The following CSMD3 variants were observed in gnomAD, a reference collection of about 807,000 sequenced individuals.
CSMD3 encodes CUB and Sushi multiple domains 3, also known as CUB and sushi domain-containing protein 3.
In CSMD3, 177 loss-of-function variants were observed where a neutral mutation model predicts 435.2. The observed-to-expected ratio is 0.41, with a 90% CI of 0.36 to 0.46. The LOEUF is 0.46. Ranked by LOEUF, CSMD3 falls within the 20% of genes least tolerant of loss-of-function variation. CSMD3 has a pLI of 0.34. For missense variants in CSMD3, 4,265 were observed against 4,504.6 expected, an observed-to-expected ratio of 0.95 and a Z score of 1.52; for synonymous variants, 1,656 against 1,520.5, an observed-to-expected ratio of 1.09 and a Z score of -2.07.
chr8:113,129,833 C>T (rs1451832964), intron 4 of CSMD3, among the ~76,000 whole-genome samples: 2 of 151,932 alleles, frequency 1.3e-5, no homozygotes, highest in Admixed American at 6.6e-5. Flanking sequence ...CATAATGAAA[C>T]CTGGAATCTG....
intron 1 of CSMD3, among the ~76,000 whole-genome samples, chr8:113,383,443 T>G (rs2094425940): frequency 6.6e-6 from 1 of 152,006 alleles, no homozygotes; most frequent in Non-Finnish European, 1.5e-5. Flanking sequence ...GAAGTGGAAA[T>G]GGAGAGATGC....
intron 13 of CSMD3, among the ~76,000 whole-genome samples, chr8:112,697,488 A>G (rs1001549410): frequency 6.6e-6 from 1 of 152,020 alleles, no homozygotes; most frequent in Non-Finnish European, 1.5e-5. Flanking sequence ...TATCACAAGG[A>G]CAAAAAACCA....
chr8:112,903,549 G>T (rs1350843795), intron 10 of CSMD3, among the ~76,000 whole-genome samples: 1 of 151,212 alleles, frequency 6.6e-6, no homozygotes, highest in Non-Finnish European at 1.5e-5. Context: ...GGAGTATGGG[G>T]AAGGGAGAAA....
intron 1 of CSMD3, among the ~76,000 whole-genome samples, chr8:113,405,912 GAGAGGATTATTT>G (rs1196172460): frequency 6.6e-6 from 1 of 151,742 alleles, no homozygotes; most frequent in Non-Finnish European, 1.5e-5. Context: ...CAGCAGTAAT[GAGAGGATTATTT>G]AGAGGATATC....
chr8:113,063,994 C>A (rs572429079), intron 5 of CSMD3, among the ~76,000 whole-genome samples: 52 of 151,286 alleles, frequency 3.4e-4, no homozygotes, highest in African/African-American at 1.2e-3. Context: ...TTTAGGAAAA[C>A]CTTTTAGTAT....
At chr8:113,274,152 T>C (rs1401909530) in intron 3 of CSMD3, among the ~76,000 whole-genome samples, 2 of 152,052 alleles carry the variant, frequency 1.3e-5, no homozygotes, top group Admixed American at 6.6e-5. Flanking sequence ...ATTTTAAATG[T>C]ATAGAATGAT....
At chr8:113,076,663 A>G (rs1375425982) in intron 5 of CSMD3, among the ~76,000 whole-genome samples, 2 of 152,124 alleles carry the variant, frequency 1.3e-5, no homozygotes, top group African/African-American at 4.8e-5. Context: ...TAACCTTTTT[A>G]TAAATAAAAG....
rs10102620 is a variant in CSMD3, at chr8:112,487,366, C to T, written c.5278+5123G>A. Among the ~76,000 whole-genome samples, 156 of 152,166 alleles carry T rather than the reference C, an allele frequency of 1.0e-3. 1 individual carries two copies. The highest frequency in any genetic ancestry group is 3.7e-3 in the African/African-American group (155 of 41,514). ...AGAGCTGGGGTAAAAATAATCCAGGCTGAAAGAACAGCATGTGCAAAAGAT... is the reference window on the plus strand; with the variant it reads ...AGAGCTGGGGTAAAAATAATCCAGGTTGAAAGAACAGCATGTGCAAAAGAT... On this transcript the variant is annotated intron_variant, in intron 31 of 70. Coordinates refer to ENST00000297405, the MANE Select transcript of CSMD3 (RefSeq NM_198123.2).
intron 32 of CSMD3, among the ~76,000 whole-genome samples, chr8:112,455,794 G>A (rs1420000613): frequency 6.6e-6 from 1 of 151,486 alleles, no homozygotes; most frequent in African/African-American, 2.4e-5. Context: ...AGATTACACA[G>A]CATGTTGCCT....
intron 54 of CSMD3, 35 bp downstream of exon 54, chr8:112,295,798 A>G (rs1018197028): frequency 1.3e-6 from 2 of 1,587,056 alleles, no homozygotes; most frequent in African/African-American, 2.7e-5. Context: ...TCCAAAGATC[A>G]GAGGTCTCTA....
At chr8:113,238,448 G>T (rs527606714) in intron 3 of CSMD3, among the ~76,000 whole-genome samples, 1 of 152,176 alleles carries the variant, frequency 6.6e-6, no homozygotes, top group South Asian at 2.1e-4. Flanking sequence ...TAGATAGATG[G>T]GGACTTCCTA....
At chr8:112,391,265 C>A (rs895405960) in intron 35 of CSMD3, among the ~76,000 whole-genome samples, 1 of 152,082 alleles carries the variant, frequency 6.6e-6, no homozygotes, top group South Asian at 2.1e-4. Context: ...ATGCGAGGCA[C>A]CCTTCTAAGT....
intron 22 of CSMD3, among the ~76,000 whole-genome samples, chr8:112,631,761 T>G (rs1477795852): frequency 6.6e-6 from 1 of 151,922 alleles, no homozygotes; most frequent in Non-Finnish European, 1.5e-5. Flanking sequence ...AAATATATAT[T>G]TCTTTATATT....
intron 22 of CSMD3, among the ~76,000 whole-genome samples, chr8:112,611,233 G>A (rs1202881372): frequency 6.6e-6 from 1 of 152,146 alleles, no homozygotes; most frequent in Non-Finnish European, 1.5e-5. Flanking sequence ...ACAAAAATTA[G>A]GAGCAAGCCT....
intron 32 of CSMD3, among the ~76,000 whole-genome samples, chr8:112,455,891 T>C (rs1816789136): frequency 1.3e-5 from 2 of 152,132 alleles, no homozygotes; most frequent in African/African-American, 4.8e-5. Flanking sequence ...GCATAAATTT[T>C]ATAGTTATTT....
chr8:112,978,979 G>A (rs137890401), intron 6 of CSMD3, among the ~76,000 whole-genome samples: 8 of 152,000 alleles, frequency 5.3e-5, no homozygotes, highest in Non-Finnish European at 1.2e-4. Context: ...GATTATAATT[G>A]TTACCATGCA....
At chr8:113,415,157 C>T (rs1240260050) in intron 1 of CSMD3, among the ~76,000 whole-genome samples, 1 of 152,002 alleles carries the variant, frequency 6.6e-6, no homozygotes, top group African/African-American at 2.4e-5. Context: ...AGAGAAAATA[C>T]GGCAGATTCT....
intron 5 of CSMD3, among the ~76,000 whole-genome samples, chr8:113,076,418 G>T (rs1305066737): frequency 6.6e-6 from 1 of 151,882 alleles, no homozygotes; most frequent in Non-Finnish European, 1.5e-5. Context: ...AGAGGGTAAT[G>T]CCATAATACC....
chr8:112,476,442 T>C (rs1298823910), intron 31 of CSMD3, among the ~76,000 whole-genome samples: 2 of 152,174 alleles, frequency 1.3e-5, no homozygotes, highest in African/African-American at 4.8e-5. Flanking sequence ...AATGAAGGAC[T>C]TGAGACTTTA....
Sources: allele counts gnomAD v4.1 joint callset (sites outside exome capture counted in the v4.1 genomes callset), GRCh38; gene constraint gnomAD v4.1.1; transcripts MANE v1.5; gene names NCBI Gene and HGNC (gene_info 2026-07-23, HGNC 2026-07-21).